The following DPP6 variants were observed in gnomAD, a reference collection of about 807,000 sequenced individuals.
DPP6 encodes dipeptidyl peptidase like 6, also known as A-type potassium channel modulatory protein DPP6.
In DPP6, 69 loss-of-function variants were observed where a neutral mutation model predicts 122.6. That is an observed-to-expected ratio of 0.56 (90% CI 0.46 to 0.69). The LOEUF (loss-of-function observed/expected upper bound fraction) is 0.69. Among genes scored for constraint, DPP6 ranks in the 30% least tolerant of loss-of-function variants. DPP6 has a pLI of 0.00. For synonymous variants in DPP6, 418 were observed against 433.1 expected, an observed-to-expected ratio of 0.97 and a Z score of 0.43; for missense variants, 928 against 1,116.9, an observed-to-expected ratio of 0.83 and a Z score of 2.41.
chr7:153,999,053 C>T (rs1797571375), intron 1 of DPP6, among the ~76,000 whole-genome samples: 1 of 152,236 alleles, frequency 6.6e-6, no homozygotes. Context: ...CGCTAAGCCC[C>T]ATCATGCCCC....
In DPP6 at chr7:154,507,302, G is replaced by A. The variant is rs149252691; in HGVS notation, c.457+32265G>A. Among the ~76,000 whole-genome samples the A allele has an allele frequency of 7.2e-3, 1,097 of 152,078 alleles. 8 individuals are homozygous for A. Among genetic ancestry groups the A allele is most frequent in the Middle Eastern group, 0.024 (7 of 294 alleles). On this transcript the variant is annotated intron_variant, in intron 3 of 25. Coordinates refer to ENST00000377770, the MANE Select transcript of DPP6 (RefSeq NM_130797.4). ...TTTTTTTTTTTACTTTAAGTTCTGG[G>A]ATAAATGTGCAGAATGTGCATGTTT...
At chr7:154,151,649 C>T (rs1243788408) in intron 1 of DPP6, among the ~76,000 whole-genome samples, 6 of 152,148 alleles carry the variant, frequency 3.9e-5, no homozygotes, top group Non-Finnish European at 7.3e-5. Context: ...CCCTCAGGGA[C>T]CAGCTGTGAA....
intron 1 of DPP6, among the ~76,000 whole-genome samples, chr7:154,423,853 A>G (rs1409004025): frequency 6.6e-6 from 1 of 152,218 alleles, no homozygotes; most frequent in Non-Finnish European, 1.5e-5. Context: ...CAAATTTTGG[A>G]AAGAACTATT....
intron 3 of DPP6, among the ~76,000 whole-genome samples, chr7:154,490,212 G>A (rs925941485): frequency 6.6e-6 from 1 of 152,148 alleles, no homozygotes; most frequent in Admixed American, 6.5e-5. Flanking sequence ...TAAATACAAC[G>A]GTACCAATTA....
chr7:153,847,568 A>G, the DPP6 span, among the ~76,000 whole-genome samples: 3 of 152,184 alleles, frequency 2.0e-5, no homozygotes, highest in Non-Finnish European at 2.9e-5. Flanking sequence ...GTTAACAGTT[A>G]CATTCAGGGC....
the DPP6 span, among the ~76,000 whole-genome samples, chr7:153,813,105 G>T: frequency 1.3e-5 from 2 of 151,722 alleles, no homozygotes; most frequent in African/African-American, 4.8e-5. Context: ...TGCCATGCTG[G>T]TGTGCTGCAC....
At chr7:154,452,903 A>G (rs551730432) in intron 2 of DPP6, among the ~76,000 whole-genome samples, 5 of 152,342 alleles carry the variant, frequency 3.3e-5, no homozygotes, top group African/African-American at 1.2e-4. Context: ...ACCAAGTGAG[A>G]ATATGTCCCT....
At chr7:154,647,522 G>A (rs765985776) in intron 6 of DPP6, among the ~76,000 whole-genome samples, 1 of 152,102 alleles carries the variant, frequency 6.6e-6, no homozygotes, top group Non-Finnish European at 1.5e-5. Context: ...AAGCAGAGCC[G>A]GCTCTTCCGG....
intron 1 of DPP6, among the ~76,000 whole-genome samples, chr7:154,216,833 G>GTT (rs59460372): frequency 1.0e-4 from 13 of 125,672 alleles, no homozygotes; most frequent in East Asian, 4.7e-4. Flanking sequence ...TGTTACTGTT[G>GTT]TTTTTTTTTT....
chr7:154,125,117 C>T lies in DPP6; in HGVS notation c.243+72054C>T, dbSNP rs868566936. ...GGTCTTTGGAGACATCACTAGGAAC[C>T]GTTTACTAAAATGTCACTAGGAGCA... On this transcript the variant is annotated intron_variant, in intron 1 of 25. Transcript: ENST00000377770. 1.7e-4 allele frequency among the ~76,000 whole-genome samples: 26 copies of T among 152,250 alleles called. 1 individual carries two copies. The highest frequency in any genetic ancestry group is 1.0e-3 in the South Asian group (5 of 4,826).
At chr7:154,644,199 G>A (rs780648796) in intron 6 of DPP6, among the ~76,000 whole-genome samples, 1 of 152,194 alleles carries the variant, frequency 6.6e-6, no homozygotes, top group Non-Finnish European at 1.5e-5. Flanking sequence ...TTGTGCTTAT[G>A]TATAGCATAC....
chr7:154,447,186 A>G (rs1318185780), intron 2 of DPP6, among the ~76,000 whole-genome samples: 1 of 152,082 alleles, frequency 6.6e-6, no homozygotes, highest in Non-Finnish European at 1.5e-5. Context: ...AGTGCCTGTA[A>G]TCCCAGCTAC....
intron 6 of DPP6, among the ~76,000 whole-genome samples, chr7:154,642,164 C>G (rs1836144203): frequency 6.6e-6 from 1 of 152,160 alleles, no homozygotes; most frequent in Non-Finnish European, 1.5e-5. Context: ...AGCATCATGC[C>G]AGGCAGTGAC....
chr7:154,748,761 T>C (rs12666918), intron 8 of DPP6, among the ~76,000 whole-genome samples: 36,983 of 152,106 alleles, frequency 0.24, 5,606 homozygotes, highest in South Asian at 0.44. Flanking sequence ...CAGCAGTGGA[T>C]GCGCTGGTTG....
At chr7:154,070,767 A>G (rs1585310089) in intron 1 of DPP6, among the ~76,000 whole-genome samples, 1 of 152,180 alleles carries the variant, frequency 6.6e-6, no homozygotes, top group Non-Finnish European at 1.5e-5. Context: ...AAGGTATGGG[A>G]AACTGTATTT....
intron 10 of DPP6, 52 bp from the exon 11 acceptor site, chr7:154,794,027 C>G: frequency 6.3e-7 from 1 of 1,586,558 alleles, no homozygotes. Flanking sequence ...CCCCTGGCTT[C>G]TGTCGTGCGG....
chr7:153,964,822 C>CTTTCCTTTCCTTTCCTTTTCCTTTTCCT (rs1554420643), intron 1 of DPP6, among the ~76,000 whole-genome samples: 1 of 41,216 alleles, frequency 2.4e-5, no homozygotes, highest in African/African-American at 9.4e-5. Context: ...CTTTCCTTTC[C>CTTTCCTTTCCTTTCCTTTTCCTTTTCCT]TTTCCTTTTC....
intron 1 of DPP6, among the ~76,000 whole-genome samples, chr7:153,986,288 G>A (rs937995494): frequency 2.6e-5 from 4 of 151,868 alleles, no homozygotes; most frequent in African/African-American, 9.7e-5. Context: ...GAAATTTTCA[G>A]TGCCTTTTTT....
intron 1 of DPP6, among the ~76,000 whole-genome samples, chr7:154,373,179 T>C (rs1404662817): frequency 6.6e-6 from 1 of 152,192 alleles, no homozygotes; most frequent in Non-Finnish European, 1.5e-5. Flanking sequence ...GTCTTAGTTG[T>C]GTGCTTAAAG....
Sources: gnomAD v4.1 joint callset for allele counts (sites outside exome capture counted in the v4.1 genomes callset) on GRCh38, gnomAD v4.1.1 for gene constraint, MANE v1.5 for transcripts, NCBI Gene and HGNC (gene_info 2026-07-23, HGNC 2026-07-21) for gene names.